ST14: variants seen among roughly 807,000 people sequenced by gnomAD.
The protein encoded by ST14 is suppressor of tumorigenicity 14 protein.
Under a neutral mutation model 96.5 loss-of-function variants are expected in ST14, and 40 were observed. That is an observed-to-expected ratio of 0.41 (90% CI 0.32 to 0.54). The LOEUF (loss-of-function observed/expected upper bound fraction) is 0.54, where lower values mean the gene tolerates loss of function less well. Among genes scored for constraint, ST14 ranks in the 20% least tolerant of loss-of-function variants. The pLI is 0.17. For synonymous variants in ST14, 506 were observed against 492.1 expected, an observed-to-expected ratio of 1.03 and a Z score of -0.37; for missense variants, 1,066 against 1,188.9, an observed-to-expected ratio of 0.90 and a Z score of 1.52.
Position 130,190,483 on chromosome 11 carries a change from G to C in ST14, c.664G>C (p.Gly222Arg). The C allele has an allele frequency of 1.9e-6, 3 of 1,608,018 alleles. No individual in the cohort carries two copies. Among genetic ancestry groups the C allele is most frequent in the Non-Finnish European group, 2.5e-6 (3 of 1,179,886 alleles). ...CTGCAGCTTTGGCCTGCACGCCCGC[G>C]GTGTGGAGCTGATGCGCTTCACCAC... is the stretch of plus-strand genomic sequence containing the variant. The part of the protein sequence containing the change: ...NSCSFGLHAR[G>R]VELMRFTTPG... The change falls in exon 7 of 19, where the codon GGT becomes CGT. Residue 222 changes from glycine to arginine, a missense_variant. Coordinates refer to ENST00000278742, the MANE Select transcript of ST14 (RefSeq NM_021978.4).
In ST14 at chr11:130,190,650, G is replaced by T. The variant is rs139396245; in HGVS notation, c.831G>T (p.Thr277=). 9.5e-5 allele frequency: 153 copies of T among 1,605,978 alleles called. No homozygotes were observed. In the African/African-American group the frequency reaches 1.5e-3, roughly 16 times the overall value. The part of the protein sequence containing the change: ...SCDERGSDLV[T]VYNTLSPMEP... Reference sequence around the variant, plus strand: ...ACGAGCGCGGCAGCGACCTGGTGACGGTGTACAACACCCTGAGCCCCATGG... The same window carrying T: ...ACGAGCGCGGCAGCGACCTGGTGACTGTGTACAACACCCTGAGCCCCATGG... Residue 277 remains threonine (T), a synonymous_variant, in exon 7 of 19, where the codon ACG becomes ACT. Transcript: ENST00000278742.
At chr11:130,207,838 C>T (rs1341051890) in intron 16 of ST14, among the ~76,000 whole-genome samples, 3 of 152,142 alleles carry the variant, frequency 2.0e-5, no homozygotes, top group Admixed American at 2.0e-4. Context: ...TTTGGGAGGC[C>T]GAGGCGGGCG....
At chr11:130,182,476 C>A (rs1156500224) in intron 1 of ST14, among the ~76,000 whole-genome samples, 3 of 151,856 alleles carry the variant, frequency 2.0e-5, no homozygotes, top group African/African-American at 7.3e-5. Flanking sequence ...GTGCATGCTG[C>A]CATGTCTGGC....
intron 12 of ST14, 152 bp downstream of exon 12, chr11:130,198,097 C>G: frequency 3.4e-6 from 3 of 890,776 alleles, no homozygotes; most frequent in Non-Finnish European, 3.5e-6. Flanking sequence ...GCCCCACTCC[C>G]CACCCTGCCA....
intron 1 of ST14, among the ~76,000 whole-genome samples, chr11:130,186,109 G>A (rs1377043338): frequency 6.6e-6 from 1 of 152,206 alleles, no homozygotes; most frequent in Non-Finnish European, 1.5e-5. Flanking sequence ...CACCCAGCTT[G>A]AGCCCTCAAA....
intron 1 of ST14, among the ~76,000 whole-genome samples, chr11:130,169,974 C>T (rs1953075601): frequency 6.6e-6 from 1 of 152,106 alleles, no homozygotes; most frequent in Non-Finnish European, 1.5e-5. Flanking sequence ...GAAGGTGGGG[C>T]AGCTGGGCCG....
At chr11:130,176,726 G>C (rs1953141570) in intron 1 of ST14, among the ~76,000 whole-genome samples, 1 of 147,000 alleles carries the variant, frequency 6.8e-6, no homozygotes, top group Admixed American at 6.8e-5. Context: ...CTCTTTGCCT[G>C]TCTGGCGATC....
intron 17 of ST14, 131 bp from the exon 18 acceptor site, chr11:130,209,311 T>C: frequency 8.1e-7 from 1 of 1,229,034 alleles, no homozygotes; most frequent in Non-Finnish European, 1.2e-6. Context: ...TAGACGCGGA[T>C]TACCCGTTTG....
rs7930197 is a variant in ST14, at chr11:130,198,390, C to T, written c.1542C>T (p.Cys514=). Residue 514 remains cysteine, a synonymous_variant, in exon 13 of 19, where the codon TGC becomes TGT. Coordinates refer to ENST00000278742, the MANE Select transcript of ST14 (RefSeq NM_021978.4). ...LFWVCDSVND[C]GDNSDEQGCS... ...GGGTCTGCGACAGTGTGAACGACTG[C>T]GGAGACAACAGCGACGAGCAGGGGT... 4.4e-3 allele frequency: 7,072 copies of T among 1,614,052 alleles called. 223 individuals carry two copies. The African/African-American group carries it at 0.072, about 17-fold the overall frequency.
chr11:130,201,826 T>C (rs1953431759), intron 16 of ST14, among the ~76,000 whole-genome samples: 1 of 152,200 alleles, frequency 6.6e-6, no homozygotes, highest in Non-Finnish European at 1.5e-5. Flanking sequence ...GATCCTCCCA[T>C]CTTGGCCTCC....
chr11:130,198,455 G>A, intron 13 of ST14, 37 bp downstream of exon 13: 1 of 1,613,070 alleles, frequency 6.2e-7, no homozygotes, highest in Middle Eastern at 1.7e-4. Context: ...GCGGGCAGGT[G>A]GGCGGGGCGA....
At chr11:130,172,892 A>G (rs1953105790) in intron 1 of ST14, among the ~76,000 whole-genome samples, 1 of 152,160 alleles carries the variant, frequency 6.6e-6, no homozygotes, top group African/African-American at 2.4e-5. Flanking sequence ...ATTTATGTCA[A>G]GGGTGCTGTG....
At chr11:130,204,167 C>T (rs1032540071) in intron 16 of ST14, among the ~76,000 whole-genome samples, 11 of 152,310 alleles carry the variant, frequency 7.2e-5, no homozygotes, top group Admixed American at 5.2e-4. Flanking sequence ...CACTGTGAAC[C>T]TGAAGGCTGG....
chr11:130,207,268 C>T (rs139192562), intron 16 of ST14, among the ~76,000 whole-genome samples: 1 of 152,160 alleles, frequency 6.6e-6, no homozygotes, highest in East Asian at 1.9e-4. Context: ...GAATTGTGAG[C>T]CAGCGGGCAC....
chr11:130,197,836 C>A lies in ST14; in HGVS notation c.1355-5C>A. The A allele has an allele frequency of 1.3e-6, 2 of 1,562,694 alleles. No individual in the cohort carries two copies. The highest frequency in any genetic ancestry group is 1.7e-6 in the Non-Finnish European group (2 of 1,157,448). Reference sequence around the variant, plus strand: ...TGGGGGCCTCAGGCCTGCCTGTGCCCGCAGCATGCCCGGGGCAGTTCACGT... The same window carrying A: ...TGGGGGCCTCAGGCCTGCCTGTGCCAGCAGCATGCCCGGGGCAGTTCACGT... On this transcript the variant is annotated splice_region_variant and splice_polypyrimidine_tract_variant and intron_variant, in intron 11 of 18. Transcript: ENST00000278742.
intron 1 of ST14, among the ~76,000 whole-genome samples, chr11:130,170,380 T>G (rs1292649629): frequency 1.3e-5 from 2 of 151,768 alleles, no homozygotes; most frequent in Non-Finnish European, 2.9e-5. Flanking sequence ...GTCAATCAAG[T>G]GCTAACTCTG....
chr11:130,178,871 G>T (rs73585187), intron 1 of ST14, among the ~76,000 whole-genome samples: 5,643 of 152,296 alleles, frequency 0.037, 355 homozygotes, highest in African/African-American at 0.13. Flanking sequence ...GGCTGGGTCT[G>T]CAGCTGGCCC....
In ST14 at chr11:130,208,540, G is replaced by A. The variant is rs1182035301; in HGVS notation, c.2125G>A (p.Asp709Asn). 1 of 1,614,194 alleles carries A rather than the reference G, an allele frequency of 6.2e-7. No individual in the cohort carries two copies. Among genetic ancestry groups the A allele is most frequent in the Non-Finnish European group, 8.5e-7 (1 of 1,180,030 alleles). Residue 709 changes from aspartate to asparagine, a missense_variant, in exon 17 of 19, where the codon GAC (aspartate) becomes AAC (asparagine). By Grantham distance (23) the Asp-to-Asn change is conservative. Coordinates refer to ENST00000278742, the MANE Select transcript of ST14 (RefSeq NM_021978.4). ...CCCCTTCTTCAATGACTTCACCTTC[G>A]ACTATGACATCGCGCTGCTGGAGCT... Reference protein sequence around the residue: ...SHPFFNDFTFDYDIALLELEK... With the variant: ...SHPFFNDFTFNYDIALLELEK...
chr11:130,172,915 G>T (rs117831687), intron 1 of ST14, among the ~76,000 whole-genome samples: 1 of 152,172 alleles, frequency 6.6e-6, no homozygotes, highest in Non-Finnish European at 1.5e-5. Context: ...CGAGCCTCAC[G>T]CATCTGCAGT....
Sources: gnomAD v4.1 joint callset for allele counts (sites outside exome capture counted in the v4.1 genomes callset) on GRCh38, gnomAD v4.1.1 for gene constraint, MANE v1.5 for transcripts, NCBI Gene and HGNC (gene_info 2026-07-23, HGNC 2026-07-21) for gene names.